NUP42: variants seen among roughly 807,000 people sequenced by gnomAD.
NUP42 encodes the protein nucleoporin 42.
NUP42 carries 47 observed loss-of-function variants against 35.9 expected under a neutral mutation model. The ratio of observed to expected loss-of-function variants is 1.31; its 90% CI spans 1.04 to 1.67. NUP42 has a LOEUF of 1.67. Among genes scored for constraint, NUP42 ranks in the 40% most tolerant of loss-of-function variants. The pLI, the probability that NUP42 is intolerant of heterozygous loss-of-function variation, is 0.00. For synonymous variants in NUP42, 173 were observed against 173.3 expected (o/e 1.00, Z 0.01); for missense variants, 514 against 492.2 (o/e 1.04, Z -0.42).
chr7:23,185,005 C>A, intron 1 of NUP42, 65 bp from the exon 2 acceptor site: 1 of 1,358,956 alleles, frequency 7.4e-7, no homozygotes, highest in South Asian at 1.4e-5. Flanking sequence ...GACCCTATCT[C>A]AATTAAAAAG....
At chr7:23,191,908 C>T (rs1785805880) in intron 3 of NUP42, among the ~76,000 whole-genome samples, 1 of 152,064 alleles carries the variant, frequency 6.6e-6, no homozygotes, top group Non-Finnish European at 1.5e-5. Context: ...GTCAAGGCGG[C>T]AGTGAGCCAC....
Position 23,185,159 on chromosome 7 carries a change from G to A in NUP42, c.211G>A (p.Gly71Ser), listed in dbSNP as rs1167581908. The A allele has an allele frequency of 5.0e-6, 8 of 1,614,006 alleles. No individual in the cohort carries two copies. The highest frequency in any genetic ancestry group is 1.3e-5 in the African/African-American group (1 of 74,898). The part of the protein sequence containing the change: ...SSFSKSTPWG[G>S]SRDQEKPYFS... ...TTTCTCCAAATCCACACCATGGGGG[G>A]GCAGCAGAGATCAAGAAAAGCCATA... Residue 71 changes from glycine (G) to serine (S), a missense_variant, in exon 2 of 7, where the codon GGC becomes AGC. Gly to Ser is a moderately conservative substitution (Grantham distance 56). Transcript: ENST00000258742.
intron 3 of NUP42, among the ~76,000 whole-genome samples, chr7:23,191,779 A>G (rs142943603): frequency 2.5e-4 from 38 of 151,986 alleles, no homozygotes; most frequent in South Asian, 1.9e-3. Flanking sequence ...TGAGCCCAAG[A>G]ATTTGAGACC....
chr7:23,195,311 T>C (rs1203815276), intron 3 of NUP42: 1 of 152,358 alleles, frequency 6.6e-6, no homozygotes, highest in Non-Finnish European at 1.5e-5. Context: ...ATTTTATCTC[T>C]ATTTTAAGTT....
intron 3 of NUP42, among the ~76,000 whole-genome samples, chr7:23,189,124 CT>C (rs935215907): frequency 1.3e-5 from 2 of 152,068 alleles, no homozygotes; most frequent in Non-Finnish European, 2.9e-5. Context: ...GAGCTAGCCA[CT>C]TTTTTCAAAG....
chr7:23,196,562 AT>A, intron 4 of NUP42, 117 bp from the exon 5 acceptor site: 1 of 726,180 alleles, frequency 1.4e-6, no homozygotes, highest in Non-Finnish European at 2.3e-6. Flanking sequence ...GTCATGGGCC[AT>A]AAAACTGTTA....
chr7:23,197,995 T>G (rs1270821535), intron 5 of NUP42, among the ~76,000 whole-genome samples: 2 of 152,002 alleles, frequency 1.3e-5, no homozygotes, highest in Non-Finnish European at 2.9e-5. Context: ...ACGCCTGTAA[T>G]CCCAGCACTT....
At chr7:23,183,509 C>T (rs929389329) in intron 1 of NUP42, among the ~76,000 whole-genome samples, 2 of 152,140 alleles carry the variant, frequency 1.3e-5, no homozygotes, top group South Asian at 4.1e-4. Context: ...GCGTGAGCGA[C>T]CGCGGCGGGC....
At chr7:23,187,930 T>G (rs2128473024) in intron 3 of NUP42, 149 of 435,086 alleles carry the variant, frequency 3.4e-4, no homozygotes, top group Middle Eastern at 7.1e-4. Flanking sequence ...CTTTAGAATA[T>G]TCTCTGTCTC....
chr7:23,182,685 C>G (rs1193624781), intron 1 of NUP42, among the ~76,000 whole-genome samples: 1 of 135,570 alleles, frequency 7.4e-6, no homozygotes, highest in African/African-American at 2.9e-5. Context: ...ATCACGAGGT[C>G]AGGAGTTTGA....
intron 1 of NUP42, among the ~76,000 whole-genome samples, chr7:23,183,875 A>G (rs1272238537): frequency 6.8e-6 from 1 of 146,218 alleles, no homozygotes; most frequent in Admixed American, 6.9e-5. Context: ...GATCTGGTCT[A>G]GCAATCTCCA....
chr7:23,200,863 G>T lies in NUP42; in HGVS notation c.*118G>T. 1.9e-6 allele frequency: 1 copy of T among 513,320 alleles called. No homozygotes were observed. 31.8% of individuals were successfully genotyped at this position (513,320 alleles called of 1,614,324 possible). A position where few individuals can be genotyped will look rare whatever the true frequency, so the allele number is the denominator to read the frequency against. On this transcript the variant is annotated 3_prime_UTR_variant, in exon 7 of 7. Coordinates refer to ENST00000258742, the MANE Select transcript of NUP42 (RefSeq NM_007342.3). Reference sequence around the variant, plus strand: ...TAAGGAATATAAGCTTCCATCAATAGTGATTTTAAATTTGATTTTTTTCTT... The same window carrying T: ...TAAGGAATATAAGCTTCCATCAATATTGATTTTAAATTTGATTTTTTTCTT...
chr7:23,190,042 A>G (rs561416722), intron 3 of NUP42, among the ~76,000 whole-genome samples: 3 of 152,250 alleles, frequency 2.0e-5, no homozygotes, highest in Non-Finnish European at 4.4e-5. Flanking sequence ...GCATGGCTGA[A>G]AGTCCATTCT....
rs544282045 is a variant in NUP42 at position 23,193,074 on chromosome 7, C to T, written c.446-2765C>T. Among the ~76,000 whole-genome samples, 105 of 149,514 alleles carry T rather than the reference C, an allele frequency of 7.0e-4. 1 individual carries two copies. The highest frequency in any genetic ancestry group is 3.5e-3 in the Middle Eastern group (1 of 286). On this transcript the variant is annotated intron_variant, in intron 3 of 6. Transcript: ENST00000258742. ...GCGGTGAGTGTTACGGCTCTTAAGG[C>T]GGCCCGTCTGGAGTTGTTTGTTCCT...
intron 3 of NUP42, chr7:23,188,037 T>A: frequency 1.4e-6 from 2 of 1,381,404 alleles, no homozygotes; most frequent in Non-Finnish European, 1.9e-6. Context: ...CCATAGTCCC[T>A]AAGCCCTTTC....
Position 23,195,924 on chromosome 7 carries a change from G to T in NUP42, c.522+9G>T, listed in dbSNP as rs1417555285. On this transcript the variant is annotated intron_variant, in intron 4 of 6. Coordinates refer to ENST00000258742, the MANE Select transcript of NUP42 (RefSeq NM_007342.3). ...ATAACTTACAGAGTTATGTAAGTTT[G>T]TTTCCTATTAATCTACTGCAATAAC... 6.5e-7 allele frequency: 1 copy of T among 1,544,362 alleles called. No homozygotes were observed. The highest frequency in any genetic ancestry group is 8.9e-7 in the Non-Finnish European group (1 of 1,125,874).
intron 4 of NUP42, 82 bp from the exon 5 acceptor site, chr7:23,196,598 A>C: frequency 2.0e-6 from 2 of 1,021,196 alleles, no homozygotes; most frequent in Non-Finnish European, 3.0e-6. Flanking sequence ...GATTTTGGCA[A>C]AGAAGTATGT....
intron 3 of NUP42, chr7:23,188,451 A>G: frequency 2.0e-6 from 2 of 985,470 alleles, no homozygotes; most frequent in African/African-American, 1.7e-5. Flanking sequence ...GCCCTTAATC[A>G]GCTTAAGTAT....
chr7:23,188,009 T>G, intron 3 of NUP42: 1 of 1,069,492 alleles, frequency 9.4e-7, no homozygotes. Flanking sequence ...TATTTTTTAT[T>G]TTTATTTTTT....
Sources: gnomAD v4.1 joint callset for allele counts (sites outside exome capture counted in the v4.1 genomes callset) on GRCh38, gnomAD v4.1.1 for gene constraint, MANE v1.5 for transcripts, NCBI Gene and HGNC (gene_info 2026-07-23, HGNC 2026-07-21) for gene names.